Variants in DNAJA4 observed in about 807,000 individuals in gnomAD.
DNAJA4 encodes the protein dnaJ homolog subfamily A member 4.
A neutral mutation model predicts 39.7 loss-of-function variants in DNAJA4; 32 were observed. That is an observed-to-expected ratio of 0.81 (90% confidence interval 0.61 to 1.08). The LOEUF (loss-of-function observed/expected upper bound fraction) is 1.08. Among genes scored for constraint, DNAJA4 ranks in the 50% least tolerant of loss-of-function variants. DNAJA4 has a pLI of 0.00. For synonymous variants in DNAJA4, 184 were observed against 182.4 expected, an observed-to-expected ratio of 1.01 and a Z score of -0.07; for missense variants, 439 against 505.1, an observed-to-expected ratio of 0.87 and a Z score of 1.25.
At chr15:78,271,916 C>T (rs1450639559) in intron 2 of DNAJA4, among the ~76,000 whole-genome samples, 1 of 152,172 alleles carries the variant, frequency 6.6e-6, no homozygotes, top group Non-Finnish European at 1.5e-5. Context: ...AATGAAGCTG[C>T]ACTTGTTATC....
intron 1 of DNAJA4, among the ~76,000 whole-genome samples, chr15:78,268,045 C>T (rs910770024): frequency 6.6e-6 from 1 of 152,176 alleles, no homozygotes; most frequent in Non-Finnish European, 1.5e-5. Context: ...AGTTGGAACC[C>T]CCATCCCATG....
rs1305281733 is a variant in DNAJA4, at chr15:78,279,766, CT to C, written c.878-277del. 1 of 493,206 alleles carries C rather than the reference CT, an allele frequency of 2.0e-6. No individual in the cohort carries two copies. Among genetic ancestry groups the C allele is most frequent in the Non-Finnish European group, 3.6e-6 (1 of 277,110 alleles). 30.6% of individuals were successfully genotyped at this position (493,206 alleles called of 1,614,324 possible). ...CTTGGGTGTCATGACTTCTAGTTCA[CT>C]TGTTTTAAACCTACCTGTGATGGCA... On this transcript the variant is annotated intron_variant, in intron 5 of 6. Transcript: ENST00000394852. The surrounding 1 kb of genome is among the most constrained non-coding windows in gnomAD (Gnocchi z 4.5).
At chr15:78,278,297 G>A (rs749823525) in intron 5 of DNAJA4, 13 of 455,962 alleles carry the variant, frequency 2.9e-5, no homozygotes, top group South Asian at 7.7e-5. Context: ...AGCAAGAAGC[G>A]ACACCTGATA....
intron 5 of DNAJA4, chr15:78,277,870 A>C (rs527857388): frequency 2.9e-4 from 104 of 360,408 alleles, no homozygotes; most frequent in African/African-American, 2.0e-3. Context: ...AGGGTGGAGC[A>C]TCCAGGAAAC....
rs2049628006 is a variant in DNAJA4, at chr15:78,280,551, G to A, written c.*91G>A. ...AATGACATCGCTTTAATGGCCTTGT[G>A]TTTGGGATGTCCTGTGTATGTGTTC... On this transcript the variant is annotated 3_prime_UTR_variant, in exon 7 of 7. Transcript: ENST00000394852. 6 of 1,126,328 alleles carry A rather than the reference G, an allele frequency of 5.3e-6. No homozygotes were observed. The South Asian group carries it at 6.2e-5, about 12-fold the overall frequency. The allele number at this position is 1,126,328 out of a possible 1,614,324, so 69.8% of individuals were successfully genotyped here.
At position 78,270,490 on chromosome 15, in the gene DNAJA4, T is replaced by G. The variant is rs764367716; in HGVS notation, c.133-7T>G. 2 of 1,604,512 alleles carry G rather than the reference T, an allele frequency of 1.2e-6. No individual in the cohort carries two copies. The highest frequency in any genetic ancestry group is 3.5e-5 in the Admixed American group (2 of 57,664). ...TCTAAAAATCTCTCTCTCTCTCTCTTTTAAAGTTTAAACTCATATCCCAGG... is the reference window on the plus strand; with the variant it reads ...TCTAAAAATCTCTCTCTCTCTCTCTGTTAAAGTTTAAACTCATATCCCAGG... On this transcript the variant is annotated splice_polypyrimidine_tract_variant and splice_region_variant and intron_variant, in intron 1 of 6. Coordinates refer to ENST00000394852, the MANE Select transcript of DNAJA4 (RefSeq NM_001130182.2).
chr15:78,279,993 C>T lies in DNAJA4; in HGVS notation c.878-52C>T. ...AGGCTCTCCCATGAGGGAGAACGAC[C>T]TCTGCAGGCCCCTCTGCCTTCCTCC... On this transcript the variant is annotated intron_variant, in intron 5 of 6. Coordinates refer to ENST00000394852, the MANE Select transcript of DNAJA4 (RefSeq NM_001130182.2). The surrounding 1 kb of genome is among the most constrained non-coding windows in gnomAD (Gnocchi z 4.5). The T allele has an allele frequency of 1.3e-6, 2 of 1,566,012 alleles. No homozygotes were observed. Among genetic ancestry groups the T allele is most frequent in the Admixed American group, 1.7e-5 (1 of 58,290 alleles).
At chr15:78,266,191 A>C in intron 1 of DNAJA4, 1 of 1,609,344 alleles carries the variant, frequency 6.2e-7, no homozygotes, top group Non-Finnish European at 8.5e-7. Flanking sequence ...AGTCTCCTTT[A>C]AGGAGAGCTT....
rs76825818 is a variant in DNAJA4 at position 78,265,443 on chromosome 15, G to T, written c.132+548G>T. ...CACCTACTGCCTACCTGATAAAAGC[G>T]TCAGATAGTGAATAATCCCATTTTC... On this transcript the variant is annotated intron_variant, in intron 1 of 6. Transcript: ENST00000394852. 3.4e-3 allele frequency: 2,378 copies of T among 701,824 alleles called. 7 individuals carry two copies. The highest frequency in any genetic ancestry group is 6.1e-3 in the South Asian group (412 of 67,494). 43.5% of individuals were successfully genotyped at this position (701,824 alleles called of 1,614,324 possible).
In DNAJA4 at chr15:78,280,443, C is replaced by T. The variant is rs773855923; in HGVS notation, c.1177C>T (p.Gln393Ter). The T allele has an allele frequency of 1.2e-6, 2 of 1,611,046 alleles. No homozygotes were observed. Among genetic ancestry groups the T allele is most frequent in the African/African-American group, 2.7e-5 (2 of 74,924 alleles). ...EDEDGPQAGV[Q>*]CQTA ...CGAAGACGGGCCCCAGGCTGGAGTG[C>T]AGTGCCAGACGGCATGACGTGGTGC... Residue 393 changes from glutamine (Q) to a stop codon, truncating the protein, a stop_gained, in exon 7 of 7, where the codon CAG becomes TAG. Transcript: ENST00000394852. LOFTEE classifies it high-confidence loss of function.
chr15:78,269,795 A>G lies in DNAJA4; in HGVS notation c.133-702A>G, dbSNP rs151035931. On this transcript the variant is annotated intron_variant, in intron 1 of 6. Transcript: ENST00000394852. Reference sequence around the variant, plus strand: ...TCTTTTAATTTTAGAGTATCTCTCAATTTGGGTTTTCTGATTCTTTTCGTA... The same window carrying G: ...TCTTTTAATTTTAGAGTATCTCTCAGTTTGGGTTTTCTGATTCTTTTCGTA... 9.2e-5 allele frequency among the ~76,000 whole-genome samples: 14 copies of G among 151,758 alleles called. No individual in the cohort carries two copies. In the East Asian group the frequency reaches 2.5e-3, roughly 27 times the overall value.
chr15:78,276,440 C>A (rs2049461006), intron 5 of DNAJA4, among the ~76,000 whole-genome samples: 1 of 152,210 alleles, frequency 6.6e-6, no homozygotes, highest in South Asian at 2.1e-4. Context: ...CCTGTAGACA[C>A]CAGGGCACTC....
intron 2 of DNAJA4, among the ~76,000 whole-genome samples, chr15:78,271,192 T>A (rs1187646623): frequency 6.6e-6 from 1 of 152,180 alleles, no homozygotes; most frequent in Non-Finnish European, 1.5e-5. Flanking sequence ...TCTGACACCC[T>A]CCAATACCAT....
At chr15:78,267,241 A>G (rs1428164012) in intron 1 of DNAJA4, among the ~76,000 whole-genome samples, 2 of 148,116 alleles carry the variant, frequency 1.4e-5, no homozygotes, top group Admixed American at 6.8e-5. Flanking sequence ...CCACTTTATC[A>G]CAGGTAGAAC....
intron 1 of DNAJA4, 141 bp from the exon 2 acceptor site, chr15:78,270,356 C>G (rs1401381731): frequency 1.2e-6 from 1 of 827,806 alleles, no homozygotes; most frequent in East Asian, 2.5e-5. Flanking sequence ...AAGTCAGATT[C>G]CAGGTAGAGG....
upstream of DNAJA4, chr15:78,264,336 G>A (rs1199735991): frequency 3.5e-6 from 5 of 1,442,738 alleles, no homozygotes; most frequent in Non-Finnish European, 4.5e-6. Flanking sequence ...GGCAGTCAGA[G>A]CTGGAGCTCC....
At chr15:78,273,060 T>C in intron 2 of DNAJA4, 35 bp from the exon 3 acceptor site, 1 of 1,225,510 alleles carries the variant, frequency 8.2e-7, no homozygotes, top group South Asian at 1.2e-5. Context: ...GTATATTTCA[T>C]TCAACGCCAC....
Position 78,272,134 on chromosome 15 carries a change from A to C in DNAJA4, c.314-961A>C, listed in dbSNP as rs369029896. On this transcript the variant is annotated intron_variant, in intron 2 of 6. Transcript: ENST00000394852. ...GGTGGATCACGAGGTCAGGAGATCG[A>C]GACCATCCTGGCTAACATGGTGAAA... Among the ~76,000 whole-genome samples, 7 of 152,282 alleles carry C rather than the reference A, an allele frequency of 4.6e-5. No homozygotes were observed. In the East Asian group the frequency reaches 1.4e-3, roughly 29 times the overall value.
At position 78,274,529 on chromosome 15, in the gene DNAJA4, C is replaced by G. The variant is rs564462946; in HGVS notation, c.646+105C>G. ...GTCAGGGAAGTGAGCTGTATCACAA[C>G]ATGTATTGGGTGTGCCATGAATTCC... On this transcript the variant is annotated intron_variant, in intron 4 of 6. Coordinates refer to ENST00000394852, the MANE Select transcript of DNAJA4 (RefSeq NM_001130182.2). 19 of 966,266 alleles carry G rather than the reference C, an allele frequency of 2.0e-5. No homozygotes were observed. In the South Asian group the frequency reaches 2.6e-4, roughly 13 times the overall value. The allele number at this position is 966,266 out of a possible 1,614,324, so 59.9% of individuals were successfully genotyped here.
Sources: allele counts gnomAD v4.1 joint callset (sites outside exome capture counted in the v4.1 genomes callset), GRCh38; gene constraint gnomAD v4.1.1; non-coding constraint Gnocchi (gnomAD v3.1); transcripts MANE v1.5; gene names NCBI Gene and HGNC (gene_info 2026-07-23, HGNC 2026-07-21).